IGSF9B: variants seen among roughly 807,000 people sequenced by gnomAD.
IGSF9B encodes protein turtle homolog B.
In IGSF9B, 48 loss-of-function variants were observed where a neutral mutation model predicts 143.7. That is an observed-to-expected ratio of 0.33 (90% CI 0.26 to 0.42). The LOEUF is 0.42. IGSF9B is among the 20% of genes least tolerant of loss of function. The probability of loss-of-function intolerance (pLI) is 1.00; values close to 1 mark genes in which losing one functional copy is unlikely to be tolerated. For synonymous variants in IGSF9B, 903 were observed against 833.1 expected, an observed-to-expected ratio of 1.08 and a Z score of -1.44; for missense variants, 1,706 against 1,980.0, an observed-to-expected ratio of 0.86 and a Z score of 2.63.
chr11:133,922,801 C>A, intron 15 of IGSF9B, 71 bp from the exon 16 acceptor site: 1 of 1,398,548 alleles, frequency 7.2e-7, no homozygotes, highest in South Asian at 1.3e-5. Context: ...ACCTTCAGTC[C>A]CCAAGTGTTT....
In IGSF9B at chr11:133,931,217, C is replaced by A; in HGVS notation, c.1369-83G>T. 2.1e-6 allele frequency: 3 copies of A among 1,418,292 alleles called. No individual in the cohort carries two copies. Among genetic ancestry groups the A allele is most frequent in the Non-Finnish European group, 1.9e-6 (2 of 1,031,906 alleles). The allele number at this position is 1,418,292 out of a possible 1,614,324, so 87.9% of individuals were successfully genotyped here. A position where few individuals can be genotyped will look rare whatever the true frequency, so the allele number is the denominator to read the frequency against. The stretch of plus-strand genomic sequence containing the variant: ...GCCCGAAGCAGATGGGGAGGACGCG[C>A]CTGAGACCCCGGCCCGCCCACGCTG... On this transcript the variant is annotated intron_variant, in intron 10 of 19. Transcript: ENST00000533871. The surrounding 1 kb of genome is among the most constrained non-coding windows in gnomAD (Gnocchi z 7.7).
chr11:133,934,084 G>A (rs1221508082), intron 7 of IGSF9B, among the ~76,000 whole-genome samples: 1 of 151,680 alleles, frequency 6.6e-6, no homozygotes, highest in East Asian at 1.9e-4. Flanking sequence ...TCACCCACCT[G>A]TAAATCTCAA....
chr11:133,924,177 C>T (rs1407906541), intron 15 of IGSF9B, among the ~76,000 whole-genome samples: 1 of 152,158 alleles, frequency 6.6e-6, no homozygotes, highest in Non-Finnish European at 1.5e-5. Flanking sequence ...CCATCACTTG[C>T]TTATAAGCAA....
chr11:133,912,233 A>G, intron 18 of IGSF9B: 1 of 676,468 alleles, frequency 1.5e-6, no homozygotes, highest in South Asian at 1.5e-5. Context: ...GATGGAAACC[A>G]ACCTGCAGAG....
rs189581690 is a variant in IGSF9B, at chr11:133,932,230, C to T, written c.968-17G>A. 1 of 1,547,044 alleles carries T rather than the reference C, an allele frequency of 6.5e-7. No homozygotes were observed. The highest frequency in any genetic ancestry group is 1.4e-5 in the African/African-American group (1 of 73,068). Reference sequence around the variant, plus strand: ...GCGCTGGGTCTGCATAGAGGAAGCGCAGGTGAGAGAGCAGACAGACAGACA... The same window carrying T: ...GCGCTGGGTCTGCATAGAGGAAGCGTAGGTGAGAGAGCAGACAGACAGACA... On this transcript the variant is annotated splice_polypyrimidine_tract_variant and intron_variant, in intron 7 of 19. Transcript: ENST00000533871.
At chr11:133,951,514 T>A (rs1331067773) in intron 1 of IGSF9B, among the ~76,000 whole-genome samples, 4 of 152,280 alleles carry the variant, frequency 2.6e-5, no homozygotes, top group Middle Eastern at 3.4e-3. Context: ...TCGGCTGGGC[T>A]CCCCCAGCAG....
intron 1 of IGSF9B, among the ~76,000 whole-genome samples, chr11:133,955,289 A>T (rs1362987766): frequency 1.3e-5 from 2 of 152,174 alleles, no homozygotes; most frequent in South Asian, 2.1e-4. Context: ...TTCCCACCTG[A>T]CAAATGAAGA....
Position 133,920,308 on chromosome 11 carries a change from G to C in IGSF9B, c.3417C>G (p.Ser1139Arg), listed in dbSNP as rs1010317378. The change falls in exon 18 of 20, where the codon AGC becomes AGG. Residue 1139 changes from serine (S) to arginine (R), a missense_variant. This residue lies in a region of IGSF9B where 880 missense variants were observed against 762.9 expected (regional missense o/e 1.15). Coordinates refer to ENST00000533871, the MANE Select transcript of IGSF9B (RefSeq NM_001277285.4). ...GCAGCACAGGTATGCCCATGCCTTGGCTTGTATGTCGCAGCTGCCCTTGGC... is the reference window on the plus strand; with the variant it reads ...GCAGCACAGGTATGCCCATGCCTTGCCTTGTATGTCGCAGCTGCCCTTGGC... ...LVSQGQLRHTSQGMGIPVLPY... is the reference protein window; with the variant it reads ...LVSQGQLRHTRQGMGIPVLPY... The C allele has an allele frequency of 6.4e-7, 1 of 1,569,266 alleles. No homozygotes were observed. Among genetic ancestry groups the C allele is most frequent in the Non-Finnish European group, 8.6e-7 (1 of 1,158,182 alleles).
Position 133,921,215 on chromosome 11 carries a change from GC to G in IGSF9B, c.2509del (p.Ala837GlnfsTer23). 1 of 1,609,918 alleles carries G rather than the reference GC, an allele frequency of 6.2e-7. No individual in the cohort carries two copies. The highest frequency in any genetic ancestry group is 8.5e-7 in the Non-Finnish European group (1 of 1,178,336). On this transcript the variant is annotated frameshift_variant, in exon 18 of 20. Coordinates refer to ENST00000533871, the MANE Select transcript of IGSF9B (RefSeq NM_001277285.4). LOFTEE classifies it high-confidence loss of function. ...CGTGGTGGCCTCTGCCTCGGCCTCT[GC>G]CTTGGCCACGCTGTACTTCTTGCTG... ...ISSKKYSVAK[A>X]EAEAEATTPI...
chr11:133,922,113 A>G (rs1440586454), intron 17 of IGSF9B, 64 bp downstream of exon 17: 2 of 1,373,314 alleles, frequency 1.5e-6, no homozygotes, highest in Middle Eastern at 1.8e-4. Flanking sequence ...GGGTAAGGCG[A>G]GCGGTCTACC....
chr11:133,924,699 G>A, intron 15 of IGSF9B, 121 bp downstream of exon 15: 1 of 787,104 alleles, frequency 1.3e-6, no homozygotes, highest in Non-Finnish European at 2.1e-6. Flanking sequence ...GCTGCAACCA[G>A]GCACTGCCTT....
chr11:133,932,271 AG>A, intron 7 of IGSF9B, 58 bp from the exon 8 acceptor site: 1 of 1,503,632 alleles, frequency 6.7e-7, no homozygotes, highest in African/African-American at 1.5e-5. Flanking sequence ...ACAGACAGAC[AG>A]ACACAGGGAC....
In IGSF9B at chr11:133,909,414, C is replaced by T. The variant is rs1939266530; in HGVS notation, c.4106-137G>A. 4.1e-6 allele frequency: 3 copies of T among 727,724 alleles called. No individual in the cohort carries two copies. Among genetic ancestry groups the T allele is most frequent in the Non-Finnish European group, 6.8e-6 (3 of 443,134 alleles). 45.1% of individuals were successfully genotyped at this position (727,724 alleles called of 1,614,324 possible). A position where few individuals can be genotyped will look rare whatever the true frequency, so the allele number is the denominator to read the frequency against. Reference sequence around the variant, plus strand: ...AAGGAATCACCTGAGTCTAGAGAGACCAGACCGAATTGCTGCAGAGAAACC... The same window carrying T: ...AAGGAATCACCTGAGTCTAGAGAGATCAGACCGAATTGCTGCAGAGAAACC... On this transcript the variant is annotated intron_variant, in intron 19 of 19. Coordinates refer to ENST00000533871, the MANE Select transcript of IGSF9B (RefSeq NM_001277285.4). This position sits in a 1 kb window ranked among gnomAD's most constrained non-coding sequence, Gnocchi z 4.2.
Position 133,920,980 on chromosome 11 carries a change from C to T in IGSF9B, c.2745G>A (p.Leu915=). The change falls in exon 18 of 20, where the codon CTG becomes CTA. Residue 915 remains leucine, a synonymous_variant. Transcript: ENST00000533871. ...VAALKSQLTP[L]SSSQESYLPP... ...GCAGGTAGGACTCCTGGCTGGATGA[C>T]AGAGGGGTGAGCTGGGACTTCAGGG... is the stretch of plus-strand genomic sequence containing the variant. 1 of 1,610,882 alleles carries T rather than the reference C, an allele frequency of 6.2e-7. No homozygotes were observed. The highest frequency in any genetic ancestry group is 1.1e-5 in the South Asian group (1 of 90,978).
intron 18 of IGSF9B, among the ~76,000 whole-genome samples, chr11:133,912,656 C>T (rs894303573): frequency 3.9e-5 from 6 of 152,198 alleles, no homozygotes; most frequent in African/African-American, 1.2e-4. Context: ...CAGCTCTCCT[C>T]GGCCATGTAA....
Position 133,921,290 on chromosome 11 carries a change from G to A in IGSF9B, c.2435C>T (p.Thr812Ile). The A allele has an allele frequency of 6.2e-7, 1 of 1,610,690 alleles. No individual in the cohort carries two copies. The highest frequency in any genetic ancestry group is 1.7e-5 in the Admixed American group (1 of 59,948). The change falls in exon 18 of 20, where the codon ACC (threonine) becomes ATC (isoleucine). Residue 812 changes from threonine (T) to isoleucine (I), a missense_variant. Around this residue, in one of 7 missense-constraint regions of IGSF9B, gnomAD observed 135 missense variants for 181.3 expected, o/e 0.74. Transcript: ENST00000533871. The part of the protein sequence containing the change: ...QPAAKRMLSP[T>I]REKELSLYKK... ...GTACAGCGACAGCTCCTTCTCACGG[G>A]TGGGGCTCAGCATCCTCTTGGCCGC...
intron 19 of IGSF9B, among the ~76,000 whole-genome samples, 173 bp downstream of exon 19, chr11:133,911,713 G>A (rs1591707192): frequency 6.6e-6 from 1 of 152,086 alleles, no homozygotes; most frequent in Non-Finnish European, 1.5e-5. Context: ...TTGAAAAATA[G>A]TGTTAAAAAA....
In IGSF9B at chr11:133,927,065, T is replaced by C. The variant is rs2121302919; in HGVS notation, c.1658A>G (p.His553Arg). 3.2e-6 allele frequency: 5 copies of C among 1,560,760 alleles called. No homozygotes were observed. Among genetic ancestry groups the C allele is most frequent in the East Asian group, 4.8e-5 (2 of 41,564 alleles). ...CGGCACTGGCAAGGACAGCCAGTCA[T>C]GGGGCCCAAACTGTGCCCGCTTCAT... ...VWMKRAQFGP[H>R]DWLSLPVPPG... Residue 553 changes from histidine (H) to arginine (R), a missense_variant, in exon 13 of 20, where the codon CAT (histidine) becomes CGT (arginine). Physicochemically the swap from His to Arg is conservative, Grantham distance 29. Coordinates refer to ENST00000533871, the MANE Select transcript of IGSF9B (RefSeq NM_001277285.4).
Position 133,903,793 on chromosome 11 carries a change from T to C in IGSF9B, c.*5276A>G, listed in dbSNP as rs1272397847. ...AGACAGGAACCCAGAAATAAGGCTCTGAACCAGTGTGGATTCACTCGCAGT... is the reference window on the plus strand; with the variant it reads ...AGACAGGAACCCAGAAATAAGGCTCCGAACCAGTGTGGATTCACTCGCAGT... On this transcript the variant is annotated 3_prime_UTR_variant, in exon 20 of 20. Coordinates refer to ENST00000533871, the MANE Select transcript of IGSF9B (RefSeq NM_001277285.4). Among the ~76,000 whole-genome samples, 2 of 152,178 alleles carry C rather than the reference T, an allele frequency of 1.3e-5. No individual in the cohort carries two copies. Among genetic ancestry groups the C allele is most frequent in the Non-Finnish European group, 2.9e-5 (2 of 68,028 alleles).
Sources: gnomAD v4.1 joint callset for allele counts (sites outside exome capture counted in the v4.1 genomes callset) on GRCh38, gnomAD v4.1.1 for gene constraint, gnomAD v4.1.1 regional missense constraint, Gnocchi (gnomAD v3.1) non-coding constraint, MANE v1.5 for transcripts, NCBI Gene and HGNC (gene_info 2026-07-23, HGNC 2026-07-21) for gene names.